NHSL1: variants seen among roughly 807,000 people sequenced by gnomAD.
The protein encoded by NHSL1 is NHS-like protein 1.
Under a neutral mutation model 95.0 loss-of-function variants are expected in NHSL1, and 48 were observed. That is an observed-to-expected ratio of 0.51 (90% CI 0.40 to 0.64). The LOEUF (loss-of-function observed/expected upper bound fraction) is 0.64. Among genes scored for constraint, NHSL1 ranks in the 30% least tolerant of loss-of-function variants. NHSL1 has a pLI of 0.00. For missense variants in NHSL1, 1,971 were observed against 2,077.7 expected, an observed-to-expected ratio of 0.95 and a Z score of 1.00; for synonymous variants, 783 against 833.9, an observed-to-expected ratio of 0.94 and a Z score of 1.05.
intron 1 of NHSL1, among the ~76,000 whole-genome samples, chr6:138,666,614 A>C (rs1016941434): frequency 6.6e-6 from 1 of 150,664 alleles, no homozygotes; most frequent in Non-Finnish European, 1.5e-5. Context: ...AAAAAAAAGA[A>C]GATGTGACAA....
intron 1 of NHSL1, among the ~76,000 whole-genome samples, chr6:138,583,477 C>T (rs912489541): frequency 1.3e-5 from 2 of 152,160 alleles, no homozygotes; most frequent in East Asian, 1.9e-4. Flanking sequence ...ATGTGAGGTA[C>T]CCCTGCTATG....
chr6:138,545,157 A>T (rs1264958361), intron 1 of NHSL1, among the ~76,000 whole-genome samples: 1 of 151,958 alleles, frequency 6.6e-6, no homozygotes, highest in Non-Finnish European at 1.5e-5. Context: ...CGCCCAGCCT[A>T]GAAGTATGTT....
intron 7 of NHSL1, among the ~76,000 whole-genome samples, chr6:138,427,224 A>G (rs530729923): frequency 2.0e-5 from 3 of 152,366 alleles, no homozygotes; most frequent in African/African-American, 7.2e-5. Context: ...CATAGAATTA[A>G]GAAAGAAGAT....
chr6:138,449,052 C>CAAAAAAAAAAAAAAAAAAAAAAAAAAA (rs545496586), intron 3 of NHSL1, among the ~76,000 whole-genome samples: 1 of 88,440 alleles, frequency 1.1e-5, no homozygotes, highest in African/African-American at 3.7e-5. Context: ...AATTCTGTCT[C>CAAAAAAAAAAAAAAAAAAAAAAAAAAA]AAAAAAAAAA....
chr6:138,569,383 G>T (rs1783740611), intron 1 of NHSL1, among the ~76,000 whole-genome samples: 1 of 151,986 alleles, frequency 6.6e-6, no homozygotes, highest in Non-Finnish European at 1.5e-5. Flanking sequence ...ATGTAAGTTA[G>T]GGGGGTTGCG....
chr6:138,629,509 T>C (rs1054855965), intron 1 of NHSL1, among the ~76,000 whole-genome samples: 2 of 151,956 alleles, frequency 1.3e-5, no homozygotes, highest in African/African-American at 2.4e-5. Flanking sequence ...CAGCCTCCCA[T>C]GTAGCTGGGA....
In NHSL1 at chr6:138,571,616, T is replaced by C. The variant is rs1783840609; in HGVS notation, c.202+94A>G. ...CAAACATTTCAAAAGAAACTCCTAATGGGGGCAAAAATCATGAAGGGGGAG... is the reference window on the plus strand; with the variant it reads ...CAAACATTTCAAAAGAAACTCCTAACGGGGGCAAAAATCATGAAGGGGGAG... On this transcript the variant is annotated intron_variant, in intron 1 of 6. Coordinates refer to the NHSL1 transcript ENST00000427025. The C allele has an allele frequency of 4.2e-6, 5 of 1,192,556 alleles. 1 individual carries two copies. Among genetic ancestry groups the C allele is most frequent in the Admixed American group, 2.5e-5 (1 of 39,454 alleles). 73.9% of individuals were successfully genotyped at this position (1,192,556 alleles called of 1,614,324 possible).
chr6:138,637,270 T>C (rs1156444847), intron 1 of NHSL1, among the ~76,000 whole-genome samples: 1 of 152,182 alleles, frequency 6.6e-6, no homozygotes, highest in African/African-American at 2.4e-5. Context: ...ACTTCAATCT[T>C]AGACCTCAAA....
At chr6:138,575,179 A>G (rs181630060), upstream of NHSL1, among the ~76,000 whole-genome samples, 651 of 152,274 alleles carry the variant, frequency 4.3e-3, 8 homozygotes, top group African/African-American at 0.015. Context: ...GATTACAGAC[A>G]TGAGCCACCG....
At chr6:138,510,599 G>C (rs893876537) in intron 1 of NHSL1, among the ~76,000 whole-genome samples, 2 of 152,170 alleles carry the variant, frequency 1.3e-5, no homozygotes, top group Admixed American at 6.5e-5. Context: ...TGAGGCATAA[G>C]AGCAAAGAAG....
At chr6:138,547,817 G>A (rs543575025), upstream of NHSL1, among the ~76,000 whole-genome samples, 12 of 152,260 alleles carry the variant, frequency 7.9e-5, no homozygotes, top group South Asian at 2.1e-4. Context: ...ATCTCACCAC[G>A]GGACTCTCTC....
chr6:138,474,653 T>C (rs1316316082), intron 2 of NHSL1, among the ~76,000 whole-genome samples: 1 of 152,184 alleles, frequency 6.6e-6, no homozygotes, highest in African/African-American at 2.4e-5. Flanking sequence ...TTCAGTTACT[T>C]ATAGGTCAAA....
chr6:138,691,891 G>C (rs1338465431), intron 1 of NHSL1: 3 of 456,674 alleles, frequency 6.6e-6, no homozygotes, highest in South Asian at 4.6e-5. Flanking sequence ...GGGTCAGTCT[G>C]GGAGAAGAAA....
chr6:138,535,398 G>A (rs893118097), intron 1 of NHSL1, among the ~76,000 whole-genome samples: 15 of 151,738 alleles, frequency 9.9e-5, no homozygotes, highest in African/African-American at 2.9e-4. Context: ...ACCCCACCTC[G>A]ACAAAAATAA....
intron 1 of NHSL1, among the ~76,000 whole-genome samples, chr6:138,514,368 TA>T (rs998964478): frequency 2.0e-5 from 3 of 151,658 alleles, no homozygotes; most frequent in African/African-American, 7.3e-5. Flanking sequence ...CTTAGGATGT[TA>T]AAAAAAATAC....
intron 1 of NHSL1, among the ~76,000 whole-genome samples, chr6:138,607,571 G>T (rs1162593278): frequency 2.0e-5 from 3 of 152,216 alleles, no homozygotes; most frequent in Admixed American, 6.5e-5. Flanking sequence ...GTGATGGTTT[G>T]ATTTTTTTCT....
rs769953184 is a variant in NHSL1, at chr6:138,432,877, C to T, written c.1468G>A (p.Glu490Lys). 177 of 1,551,470 alleles carry T rather than the reference C, an allele frequency of 1.1e-4. No homozygotes were observed. The highest frequency in any genetic ancestry group is 1.5e-4 in the Non-Finnish European group (170 of 1,146,932). The change falls in exon 6 of 8, where the codon GAA becomes AAA. Residue 490 changes from glutamate (E) to lysine (K), a missense_variant. Around this residue, in one of 3 missense-constraint regions of NHSL1, gnomAD observed 1,602 missense variants for 1,654.5 expected, o/e 0.97. Transcript: ENST00000343505. This position sits in a 1 kb window ranked among gnomAD's most constrained non-coding sequence, Gnocchi z 4.4. ...SQDLDPHSPGEPALLSLCDSA... is the reference protein window; with the variant it reads ...SQDLDPHSPGKPALLSLCDSA... The stretch of plus-strand genomic sequence containing the variant: ...TCACAGAGGGACAACAGTGCGGGTT[C>T]ACCAGGGGAATGAGGGTCTAAGTCC...
chr6:138,690,385 T>G (rs1251263887), intron 1 of NHSL1, among the ~76,000 whole-genome samples: 3 of 152,028 alleles, frequency 2.0e-5, no homozygotes, highest in African/African-American at 7.3e-5. Context: ...CTTCTCTACA[T>G]GTACATTTAT....
chr6:138,449,111 C>T (rs939535688), intron 3 of NHSL1, among the ~76,000 whole-genome samples: 2 of 151,316 alleles, frequency 1.3e-5, no homozygotes, highest in African/African-American at 4.9e-5. Context: ...CTGTTTACTG[C>T]TACTGCATTC....
Sources: gnomAD v4.1 joint callset for allele counts (sites outside exome capture counted in the v4.1 genomes callset) on GRCh38, gnomAD v4.1.1 for gene constraint, gnomAD v4.1.1 regional missense constraint, Gnocchi (gnomAD v3.1) non-coding constraint, MANE v1.5 for transcripts, NCBI Gene and HGNC (gene_info 2026-07-23, HGNC 2026-07-21) for gene names.